The following EXPH5 variants were observed in gnomAD, a reference collection of about 807,000 sequenced individuals.
EXPH5 encodes the protein exophilin 5.
A neutral mutation model predicts 41.1 loss-of-function variants in EXPH5; 42 were observed. That is an observed-to-expected ratio of 1.02 (90% CI 0.80 to 1.32). The LOEUF (loss-of-function observed/expected upper bound fraction) is 1.32. Among genes scored for constraint, EXPH5 ranks in the 40% most tolerant of loss-of-function variants. The probability of loss-of-function intolerance (pLI) is 0.00; values close to 1 mark genes in which losing one functional copy is unlikely to be tolerated. For synonymous variants in EXPH5, 798 were observed against 833.5 expected (o/e 0.96, Z 0.73); for missense variants, 2,298 against 2,314.5 (o/e 0.99, Z 0.15).
intron 1 of EXPH5, among the ~76,000 whole-genome samples, chr11:108,560,397 T>TA (rs1387182879): frequency 1.3e-5 from 2 of 152,242 alleles, no homozygotes; most frequent in African/African-American, 4.8e-5. Context: ...AAACCCGCCT[T>TA]ACAAAGATGA....
chr11:108,511,666 A>AT lies in EXPH5; in HGVS notation c.3840dup (p.Ser1281IlefsTer7). ...AATGTTTCAGTCTCCACTTGAGGTG[A>AT]TTCTATAAGTAAATTAGTATTTTGT... On this transcript the variant is annotated frameshift_variant, in exon 6 of 6. Transcript: ENST00000265843. LOFTEE classifies it low-confidence loss of function (END_TRUNC). 1 of 1,603,628 alleles carries AT rather than the reference A, an allele frequency of 6.2e-7. No homozygotes were observed. The highest frequency in any genetic ancestry group is 8.5e-7 in the Non-Finnish European group (1 of 1,177,152).
chr11:108,508,936 A>G lies in EXPH5; in HGVS notation c.*601T>C, dbSNP rs566431089. The G allele has an allele frequency of 5.3e-5, 7 of 131,704 alleles. No homozygotes were observed. Among genetic ancestry groups the G allele is most frequent in the East Asian group, 2.0e-4 (1 of 4,940 alleles). 8.2% of individuals were successfully genotyped at this position (131,704 alleles called of 1,614,324 possible). A position where few individuals can be genotyped will look rare whatever the true frequency, so the allele number is the denominator to read the frequency against. On this transcript the variant is annotated 3_prime_UTR_variant, in exon 6 of 6. Transcript: ENST00000265843. ...CAGGAAGTACTTACAAAATTCCTTT[A>G]TCTTTTTTTTTTCCTTTTTGCAATC... is the stretch of plus-strand genomic sequence containing the variant.
intron 1 of EXPH5, among the ~76,000 whole-genome samples, chr11:108,572,817 C>T (rs1212188416): frequency 3.3e-5 from 5 of 152,100 alleles, no homozygotes; most frequent in Non-Finnish European, 7.4e-5. Flanking sequence ...TCTCGGCCTC[C>T]TAAAGTGCTG....
chr11:108,524,908 G>T (rs892057535), intron 4 of EXPH5, among the ~76,000 whole-genome samples: 3 of 152,124 alleles, frequency 2.0e-5, no homozygotes, highest in African/African-American at 7.2e-5. Context: ...GATATGGTTC[G>T]GTTGTGTCCC....
intron 1 of EXPH5, among the ~76,000 whole-genome samples, chr11:108,544,750 C>T (rs11821101): frequency 0.016 from 2,501 of 152,152 alleles, 67 homozygotes; most frequent in South Asian, 0.064. Context: ...ATGCATATGA[C>T]AAAACATGAA....
intron 1 of EXPH5, among the ~76,000 whole-genome samples, chr11:108,578,460 G>A (rs770775199): frequency 5.9e-5 from 9 of 152,146 alleles, no homozygotes; most frequent in Admixed American, 1.3e-4. Context: ...TTGAAGTCAG[G>A]TGATGTGATG....
chr11:108,512,910 A>T lies in EXPH5; in HGVS notation c.2597T>A (p.Leu866Ter), dbSNP rs766281514. 2.7e-5 allele frequency: 43 copies of T among 1,613,608 alleles called. No homozygotes were observed. The highest frequency in any genetic ancestry group is 3.6e-5 in the Non-Finnish European group (43 of 1,179,866). The stretch of plus-strand genomic sequence containing the variant: ...ACACGAGGTCTTGTGGCCAGGAGTT[A>T]ACTTGCATTTTGAGTATTGTGCATT... ...TQNAQYSKCK[L>*]TPGHKTSCDS... is the part of the protein sequence containing the mutation. Residue 866 changes from leucine to a stop codon, truncating the protein, a stop_gained, in exon 6 of 6, where the codon TTA becomes TAA. Coordinates refer to ENST00000265843, the MANE Select transcript of EXPH5 (RefSeq NM_015065.3). LOFTEE classifies it low-confidence loss of function (END_TRUNC).
chr11:108,511,104 G>A lies in EXPH5; in HGVS notation c.4403C>T (p.Thr1468Ile), dbSNP rs750351501. 1.1e-5 allele frequency: 18 copies of A among 1,613,950 alleles called. No homozygotes were observed. The East Asian group carries it at 3.8e-4, about 34-fold the overall frequency. The change falls in exon 6 of 6, where the codon ACA (threonine) becomes ATA (isoleucine). Residue 1468 changes from threonine to isoleucine, a missense_variant. Coordinates refer to ENST00000265843, the MANE Select transcript of EXPH5 (RefSeq NM_015065.3). ...GSGKCPQKDH[T>I]STAVGDGSSG... ...GGAGCCATCACCTACAGCTGTGGAT[G>A]TGTGATCTTTCTGGGGACACTTGCC...
intron 3 of EXPH5, among the ~76,000 whole-genome samples, chr11:108,528,723 T>C (rs1163084560): frequency 1.1e-4 from 15 of 139,340 alleles, no homozygotes; most frequent in African/African-American, 4.1e-4. Context: ...TTTTTTGAGA[T>C]GGAGTTTTGC....
At chr11:108,551,146 G>A (rs1026789094) in intron 1 of EXPH5, among the ~76,000 whole-genome samples, 1 of 152,198 alleles carries the variant, frequency 6.6e-6, no homozygotes, top group African/African-American at 2.4e-5. Context: ...GAGAGGACAT[G>A]GAAGTTCTGC....
chr11:108,591,990 C>T (rs143998226), intron 1 of EXPH5, among the ~76,000 whole-genome samples: 3 of 152,162 alleles, frequency 2.0e-5, no homozygotes, highest in Non-Finnish European at 4.4e-5. Context: ...TGAGAATAAC[C>T]GCAGTTTCTT....
intron 1 of EXPH5, among the ~76,000 whole-genome samples, chr11:108,588,829 ATAT>A (rs2094120674): frequency 6.6e-6 from 1 of 152,308 alleles, no homozygotes; most frequent in South Asian, 2.1e-4. Flanking sequence ...ATATGGAACG[ATAT>A]TATTATAGTA....
intron 1 of EXPH5, among the ~76,000 whole-genome samples, chr11:108,573,139 GGAAAGAAAGAAAGAAAGAAAGAAAGAAA>G (rs3054581): frequency 1.1e-5 from 1 of 90,508 alleles, no homozygotes; most frequent in African/African-American, 4.4e-5. Flanking sequence ...AAGGAAAGAA[GGAAAGAAAGAAAGAAAGAAAGAAAGAAA>G]GAAAGAAAGA....
At position 108,566,688 on chromosome 11, in the gene EXPH5, AAAAT is replaced by A. The variant is rs377605975; in HGVS notation, c.120-24880_120-24877del. Among the ~76,000 whole-genome samples the A allele has an allele frequency of 2.4e-4, 37 of 152,022 alleles. No homozygotes were observed. The South Asian group carries it at 3.5e-3, about 15-fold the overall frequency. On this transcript the variant is annotated intron_variant, in intron 1 of 5. Transcript: ENST00000265843. Reference sequence around the variant, plus strand: ...GGCAACATGGCAAAACCCCATCTCTAAAATAAATAAATAAATAAATAAATAATCC... The same window carrying A: ...GGCAACATGGCAAAACCCCATCTCTAAAATAAATAAATAAATAAATAATCC...
At chr11:108,540,752 T>C (rs182268776) in intron 2 of EXPH5, among the ~76,000 whole-genome samples, 322 of 152,236 alleles carry the variant, frequency 2.1e-3, no homozygotes, top group Non-Finnish European at 3.9e-3. Context: ...TTACCAAAGT[T>C]CCAGAAGTGT....
At chr11:108,544,447 C>T (rs764795831) in intron 1 of EXPH5, among the ~76,000 whole-genome samples, 4 of 152,152 alleles carry the variant, frequency 2.6e-5, no homozygotes, top group Non-Finnish European at 5.9e-5. Flanking sequence ...AGATTACAAG[C>T]GTGAGCCACA....
At position 108,512,290 on chromosome 11, in the gene EXPH5, T is replaced by C; in HGVS notation, c.3217A>G (p.Ser1073Gly). The change falls in exon 6 of 6, where the codon AGT (serine) becomes GGT (glycine). Residue 1073 changes from serine (S) to glycine (G), a missense_variant. Transcript: ENST00000265843. ...GNYMLNKFSPSSPESANECSK... is the reference protein window; with the variant it reads ...GNYMLNKFSPGSPESANECSK... ...CATTCATTCGCTGACTCAGGAGAAC[T>C]GGGACTAAATTTGTTTAACATATAG... is the stretch of plus-strand genomic sequence containing the variant. 1 of 1,613,722 alleles carries C rather than the reference T, an allele frequency of 6.2e-7. No homozygotes were observed. The highest frequency in any genetic ancestry group is 8.5e-7 in the Non-Finnish European group (1 of 1,179,888).
chr11:108,539,006 G>A lies in EXPH5; in HGVS notation c.443+18C>T. 6.4e-7 allele frequency: 1 copy of A among 1,554,898 alleles called. No homozygotes were observed. The highest frequency in any genetic ancestry group is 1.4e-5 in the African/African-American group (1 of 72,834). Reference sequence around the variant, plus strand: ...TCGGATAACAAATGGGCCGTAACATGACCTGAGTTTAACTCACCCTTTCTG... The same window carrying A: ...TCGGATAACAAATGGGCCGTAACATAACCTGAGTTTAACTCACCCTTTCTG... On this transcript the variant is annotated intron_variant, in intron 3 of 5. Transcript: ENST00000265843.
At position 108,513,756 on chromosome 11, in the gene EXPH5, G is replaced by A; in HGVS notation, c.1751C>T (p.Ser584Phe). The A allele has an allele frequency of 1.2e-6, 2 of 1,608,496 alleles. No homozygotes were observed. The highest frequency in any genetic ancestry group is 2.7e-5 in the African/African-American group (2 of 74,808). ...GACGTGATAGCTTGAACCAGTCATG[G>A]AGCAAACATTTGGTGTGCCAAAATG... ...TPHFGTPNVC[S>F]MTGSSYHVKS... Residue 584 changes from serine to phenylalanine, a missense_variant, in exon 6 of 6, where the codon TCC becomes TTC. By Grantham distance (155) the Ser-to-Phe change is radical. Transcript: ENST00000265843.
Sources: gnomAD v4.1 joint callset for allele counts (sites outside exome capture counted in the v4.1 genomes callset) on GRCh38, gnomAD v4.1.1 for gene constraint, MANE v1.5 for transcripts, NCBI Gene and HGNC (gene_info 2026-07-23, HGNC 2026-07-21) for gene names.